The following PRELID2 variants were observed in gnomAD, a reference collection of about 807,000 sequenced individuals.
PRELID2 encodes PRELI domain containing 2.
In PRELID2, 25 loss-of-function variants were observed where a neutral mutation model predicts 28.4. That is an observed-to-expected ratio of 0.88 (90% confidence interval 0.64 to 1.23). The LOEUF is 1.23. PRELID2 is among the 50% of genes most tolerant of loss of function. The pLI is 0.00. For missense variants in PRELID2, 201 were observed against 214.4 expected (o/e 0.94, Z 0.39); for synonymous variants, 76 against 71.6 (o/e 1.06, Z -0.31).
At chr5:145,422,189 C>T in the PRELID2 span, among the ~76,000 whole-genome samples, 2 of 148,296 alleles carry the variant, frequency 1.3e-5, no homozygotes, top group African/African-American at 2.5e-5. Context: ...TGGTGTGGTG[C>T]TGAAAAAAAT....
the PRELID2 span, among the ~76,000 whole-genome samples, chr5:145,242,105 T>G: frequency 6.6e-6 from 1 of 152,016 alleles, no homozygotes; most frequent in Non-Finnish European, 1.5e-5. Context: ...AAAATATTAT[T>G]TGTTACCAAA....
chr5:145,787,234 TCAGA>T (rs1429853484), intron 5 of PRELID2, among the ~76,000 whole-genome samples: 1 of 152,192 alleles, frequency 6.6e-6, no homozygotes, highest in Non-Finnish European at 1.5e-5. Context: ...CTCTAAAGAT[TCAGA>T]CAAACTAGGC....
chr5:145,542,628 G>A (rs1752752792), intron 1 of PRELID2, among the ~76,000 whole-genome samples: 1 of 152,068 alleles, frequency 6.6e-6, no homozygotes. Context: ...CCTCTATACT[G>A]GAAAGCAGTA....
At chr5:145,561,350 T>A (rs1257582035) in intron 1 of PRELID2, among the ~76,000 whole-genome samples, 1 of 152,064 alleles carries the variant, frequency 6.6e-6, no homozygotes, top group Admixed American at 6.6e-5. Context: ...GCCATCTTGG[T>A]TCAAGTGAGT....
the PRELID2 span, among the ~76,000 whole-genome samples, chr5:145,416,386 G>A: frequency 6.6e-6 from 1 of 151,986 alleles, no homozygotes; most frequent in East Asian, 1.9e-4. Context: ...AACACCAAAA[G>A]CAATGGCAAC....
At chr5:145,654,700 C>G (rs534847547) in intron 1 of PRELID2, among the ~76,000 whole-genome samples, 8 of 152,150 alleles carry the variant, frequency 5.3e-5, no homozygotes, top group East Asian at 1.9e-4. Flanking sequence ...ATTCAACAAC[C>G]CTTCATGCTA....
intron 1 of PRELID2, among the ~76,000 whole-genome samples, chr5:145,542,275 T>C (rs558739000): frequency 4.6e-5 from 7 of 152,264 alleles, no homozygotes; most frequent in African/African-American, 1.7e-4. Flanking sequence ...TGGGCTGGTA[T>C]TAAATGCTTC....
Position 145,759,832 on chromosome 5 carries a change from G to A in PRELID2, c.*704C>T, listed in dbSNP as rs1317106364. ...AATGATTTGCTTGCTCACCATCACA[G>A]AACGAATTAGCAGAAAAGAAACTGC... On this transcript the variant is annotated 3_prime_UTR_variant, in exon 7 of 7. Transcript: ENST00000683046. 5.3e-5 allele frequency: 8 copies of A among 152,016 alleles called. No individual in the cohort carries two copies. Among genetic ancestry groups the A allele is most frequent in the African/African-American group, 1.9e-4 (8 of 41,372 alleles). The allele number at this position is 152,016 out of a possible 1,614,324, so 9.4% of individuals were successfully genotyped here.
chr5:145,229,068 C>A, the PRELID2 span: 4 of 1,572,170 alleles, frequency 2.5e-6, no homozygotes, highest in African/African-American at 4.1e-5. Flanking sequence ...GTATGAGGAC[C>A]ACTACCTCCT....
intron 1 of PRELID2, among the ~76,000 whole-genome samples, chr5:145,676,236 A>T (rs10477285): frequency 0.02 from 3,025 of 149,298 alleles, 109 homozygotes; most frequent in African/African-American, 0.069. Flanking sequence ...AAAAAAAAAA[A>T]AAAAAATAAT....
chr5:145,286,716 G>GTTTTTTTTT, the PRELID2 span, among the ~76,000 whole-genome samples: 1 of 63,068 alleles, frequency 1.6e-5, no homozygotes, highest in African/African-American at 7.7e-5. Context: ...TTTTTTGTTT[G>GTTTTTTTTT]TTTGTTTGTT....
the PRELID2 span, among the ~76,000 whole-genome samples, chr5:145,341,051 C>T: frequency 6.6e-6 from 1 of 151,644 alleles, no homozygotes. Context: ...CACCCAAAAT[C>T]AAAACCAAAG....
At chr5:145,729,638 C>A (rs1756278133) in intron 1 of PRELID2, among the ~76,000 whole-genome samples, 1 of 152,206 alleles carries the variant, frequency 6.6e-6, no homozygotes, top group African/African-American at 2.4e-5. Context: ...TCCCACTGAG[C>A]TTCTTTCAGT....
chr5:145,344,045 C>T, the PRELID2 span, among the ~76,000 whole-genome samples: 3 of 151,804 alleles, frequency 2.0e-5, no homozygotes, highest in Non-Finnish European at 2.9e-5. Flanking sequence ...ATCCCAGGAC[C>T]GGAGGGACTC....
At chr5:145,332,769 C>T in the PRELID2 span, among the ~76,000 whole-genome samples, 8 of 152,166 alleles carry the variant, frequency 5.3e-5, no homozygotes, top group African/African-American at 1.9e-4. Flanking sequence ...CTACTTCTGT[C>T]AATTCGTCAA....
intron 1 of PRELID2, among the ~76,000 whole-genome samples, chr5:145,475,209 T>C (rs1433022245): frequency 6.6e-6 from 1 of 152,194 alleles, no homozygotes; most frequent in African/African-American, 2.4e-5. Context: ...ATGAACTTAA[T>C]AAAAGTAAGT....
At chr5:145,690,729 A>G (rs1168059012) in intron 1 of PRELID2, among the ~76,000 whole-genome samples, 4 of 152,174 alleles carry the variant, frequency 2.6e-5, no homozygotes, top group Non-Finnish European at 5.9e-5. Flanking sequence ...TTCACTCACT[A>G]TGAAAAGATG....
the PRELID2 span, among the ~76,000 whole-genome samples, chr5:145,462,240 T>A: frequency 6.6e-6 from 1 of 152,162 alleles, no homozygotes. Flanking sequence ...TAATCCAAAT[T>A]GATTATCACA....
intron 4 of PRELID2, among the ~76,000 whole-genome samples, chr5:145,805,562 C>T (rs1561629988): frequency 1.3e-5 from 2 of 152,094 alleles, no homozygotes. Flanking sequence ...TTTTTAACTC[C>T]GCCCCTGAAT....
Sources: gnomAD v4.1 joint callset for allele counts (sites outside exome capture counted in the v4.1 genomes callset) on GRCh38, gnomAD v4.1.1 for gene constraint, MANE v1.5 for transcripts, NCBI Gene and HGNC (gene_info 2026-07-23, HGNC 2026-07-21) for gene names.